The following SCAPER variants were observed in gnomAD, a reference collection of about 807,000 sequenced individuals.
The protein encoded by SCAPER is S phase cyclin A-associated protein in the endoplasmic reticulum.
SCAPER carries 98 observed loss-of-function variants against 182.2 expected under a neutral mutation model. The observed-to-expected ratio is 0.54, with a 90% CI of 0.46 to 0.64. The LOEUF (loss-of-function observed/expected upper bound fraction) is 0.64. SCAPER is among the 30% of genes least tolerant of loss of function. The pLI is 0.00. For synonymous variants in SCAPER, 605 were observed against 564.6 expected, an observed-to-expected ratio of 1.07 and a Z score of -1.01; for missense variants, 1,432 against 1,690.0, an observed-to-expected ratio of 0.85 and a Z score of 2.68.
intron 25 of SCAPER, among the ~76,000 whole-genome samples, chr15:76,444,343 G>A (rs958679913): frequency 6.6e-6 from 1 of 152,148 alleles, no homozygotes; most frequent in Non-Finnish European, 1.5e-5. Context: ...TAGGTGGCTG[G>A]TAGTACCACT....
chr15:76,375,771 G>T (rs1218708145), intron 29 of SCAPER, among the ~76,000 whole-genome samples: 2 of 152,160 alleles, frequency 1.3e-5, no homozygotes, highest in African/African-American at 2.4e-5. Flanking sequence ...TCACCTGAGG[G>T]TCAGGAGTTC....
At chr15:76,789,259 T>C (rs751931293) in intron 8 of SCAPER, among the ~76,000 whole-genome samples, 13 of 152,060 alleles carry the variant, frequency 8.5e-5, no homozygotes, top group Non-Finnish European at 1.5e-4. Context: ...AATCGTAAGA[T>C]GAATCATATA....
chr15:76,617,948 T>A (rs2051646542), intron 22 of SCAPER, among the ~76,000 whole-genome samples: 1 of 152,182 alleles, frequency 6.6e-6, no homozygotes, highest in African/African-American at 2.4e-5. Flanking sequence ...TTTAGATGTA[T>A]TTCTAGACTG....
chr15:76,397,980 C>T (rs540559546), intron 27 of SCAPER, among the ~76,000 whole-genome samples: 1 of 152,296 alleles, frequency 6.6e-6, no homozygotes, highest in South Asian at 2.1e-4. Context: ...TTTATATTTA[C>T]GATCTCATTT....
chr15:76,544,495 G>T (rs2045067659), intron 23 of SCAPER, among the ~76,000 whole-genome samples: 1 of 152,126 alleles, frequency 6.6e-6, no homozygotes. Context: ...AAAAGTAACA[G>T]AATGCGGATA....
intron 8 of SCAPER, among the ~76,000 whole-genome samples, chr15:76,789,626 A>C (rs56402836): frequency 0.073 from 11,113 of 152,302 alleles, 578 homozygotes; most frequent in Non-Finnish European, 0.11. Flanking sequence ...CCTTCAGTGC[A>C]AACTATATTT....
At chr15:76,730,631 T>A (rs979071903) in intron 16 of SCAPER, among the ~76,000 whole-genome samples, 2 of 151,700 alleles carry the variant, frequency 1.3e-5, no homozygotes, top group African/African-American at 4.9e-5. Context: ...GTTTAAAAAT[T>A]CCATATTATA....
rs1490619051 is a variant in SCAPER at position 76,863,466 on chromosome 15, G to T, written c.7-933C>A. Among the ~76,000 whole-genome samples, 4 of 152,140 alleles carry T rather than the reference G, an allele frequency of 2.6e-5. No individual in the cohort carries two copies. In the East Asian group the frequency reaches 7.7e-4, roughly 29 times the overall value. On this transcript the variant is annotated intron_variant, in intron 2 of 31. Coordinates refer to ENST00000563290, the MANE Select transcript of SCAPER (RefSeq NM_020843.4). Reference sequence around the variant, plus strand: ...TTTAGCATTCCTGGAATCCTAAAGCGCAATACATTTAACGAGGCAATTACT... The same window carrying T: ...TTTAGCATTCCTGGAATCCTAAAGCTCAATACATTTAACGAGGCAATTACT...
intron 5 of SCAPER, among the ~76,000 whole-genome samples, chr15:76,834,025 T>C (rs1001050125): frequency 6.6e-5 from 10 of 152,202 alleles, no homozygotes; most frequent in Non-Finnish European, 7.4e-5. Context: ...ATCTACAGAA[T>C]ACTCCACCCA....
At chr15:76,527,113 T>C (rs1407164663) in intron 23 of SCAPER, among the ~76,000 whole-genome samples, 1 of 152,194 alleles carries the variant, frequency 6.6e-6, no homozygotes, top group African/African-American at 2.4e-5. Flanking sequence ...TGACCGCAGA[T>C]GATCCACCTG....
intron 22 of SCAPER, among the ~76,000 whole-genome samples, chr15:76,583,350 CAAA>C (rs35851130): frequency 9.5e-6 from 1 of 105,590 alleles, no homozygotes; most frequent in Non-Finnish European, 2.0e-5. Flanking sequence ...GACTCCATCT[CAAA>C]AAAAAAAAAA....
At chr15:76,829,201 G>A (rs1336241898) in intron 5 of SCAPER, among the ~76,000 whole-genome samples, 2 of 152,128 alleles carry the variant, frequency 1.3e-5, no homozygotes, top group Non-Finnish European at 2.9e-5. Flanking sequence ...AGTAACTCAA[G>A]AATGGAAAAC....
At chr15:76,892,158 T>C (rs1477151287) in intron 1 of SCAPER, among the ~76,000 whole-genome samples, 2 of 152,188 alleles carry the variant, frequency 1.3e-5, no homozygotes, top group Non-Finnish European at 2.9e-5. Context: ...CCTTACACTT[T>C]ATACAAAAAT....
At chr15:76,604,049 T>G (rs935698267) in intron 22 of SCAPER, among the ~76,000 whole-genome samples, 3 of 120,852 alleles carry the variant, frequency 2.5e-5, no homozygotes, top group African/African-American at 7.6e-5. Flanking sequence ...TTTGTCAATT[T>G]TGGCTTTTGT....
intron 2 of SCAPER, among the ~76,000 whole-genome samples, chr15:76,877,365 A>C (rs1004505595): frequency 1.5e-4 from 23 of 152,336 alleles, no homozygotes; most frequent in African/African-American, 5.1e-4. Flanking sequence ...CATTTTCCTC[A>C]CAGATCTTTA....
chr15:76,352,087 T>C (rs549932497), intron 30 of SCAPER, among the ~76,000 whole-genome samples: 3 of 152,316 alleles, frequency 2.0e-5, no homozygotes, highest in Admixed American at 6.5e-5. Flanking sequence ...CATAAGGAAC[T>C]AAGCTGATAC....
intron 23 of SCAPER, among the ~76,000 whole-genome samples, chr15:76,572,944 C>CACACACACAG (rs1304389875): frequency 6.6e-6 from 1 of 151,434 alleles, no homozygotes; most frequent in East Asian, 1.9e-4. Context: ...CACACACACA[C>CACACACACAG]AGAGAAATGT....
chr15:76,767,655 T>C (rs1297159493), intron 10 of SCAPER, among the ~76,000 whole-genome samples: 1 of 151,522 alleles, frequency 6.6e-6, no homozygotes, highest in Non-Finnish European at 1.5e-5. Context: ...AAAACAAACA[T>C]GTGGTTAATA....
intron 25 of SCAPER, among the ~76,000 whole-genome samples, chr15:76,444,477 CTT>C (rs1278104821): frequency 6.6e-6 from 1 of 152,128 alleles, no homozygotes; most frequent in African/African-American, 2.4e-5. Flanking sequence ...GTAAACTAAT[CTT>C]TCCCATTTTT....
Sources: allele counts gnomAD v4.1 joint callset (sites outside exome capture counted in the v4.1 genomes callset), GRCh38; gene constraint gnomAD v4.1.1; transcripts MANE v1.5; gene names NCBI Gene and HGNC (gene_info 2026-07-23, HGNC 2026-07-21).